DDX60: variants seen among roughly 807,000 people sequenced by gnomAD.
DDX60 encodes probable ATP-dependent RNA helicase DDX60.
DDX60 carries 165 observed loss-of-function variants against 212.8 expected under a neutral mutation model. The observed-to-expected ratio is 0.78, with a 90% confidence interval of 0.68 to 0.88. DDX60 has a LOEUF of 0.88. Ranked by LOEUF, DDX60 falls within the 40% of genes least tolerant of loss-of-function variation. The pLI, the probability that DDX60 is intolerant of heterozygous loss-of-function variation, is 0.00. For synonymous variants in DDX60, 703 were observed against 685.3 expected (o/e 1.03, Z -0.40); for missense variants, 1,905 against 2,003.9 (o/e 0.95, Z 0.94).
chr4:168,297,374 GAAAGAAAGAGAAAGAAAGAAAGAAAGAAA>G (rs1560870626), intron 6 of DDX60, among the ~76,000 whole-genome samples: 7 of 54,682 alleles, frequency 1.3e-4, no homozygotes, highest in African/African-American at 5.6e-4. Context: ...AAGAAAGAAA[GAAAGAAAGAGAAAGAAAGAAAGAAAGAAA>G]GACAATAAAT....
intron 15 of DDX60, 47 bp downstream of exon 15, chr4:168,275,968 T>C (rs889212810): frequency 1.3e-6 from 2 of 1,493,034 alleles, no homozygotes; most frequent in Non-Finnish European, 1.8e-6. Context: ...ACTTTATGTA[T>C]ACCTAATAAT....
intron 25 of DDX60, among the ~76,000 whole-genome samples, chr4:168,259,119 A>G (rs1260820430): frequency 6.6e-6 from 1 of 152,184 alleles, no homozygotes; most frequent in Non-Finnish European, 1.5e-5. Context: ...ACCATATAAA[A>G]CATACTACAT....
intron 6 of DDX60, among the ~76,000 whole-genome samples, chr4:168,298,068 G>A (rs1242866563): frequency 3.3e-5 from 5 of 151,724 alleles, no homozygotes; most frequent in Non-Finnish European, 5.9e-5. Flanking sequence ...AGGAAACAGA[G>A]AATTGAGATT....
chr4:168,225,146 T>C (rs994568420), intron 34 of DDX60, among the ~76,000 whole-genome samples: 1 of 152,022 alleles, frequency 6.6e-6, no homozygotes, highest in African/African-American at 2.4e-5. Flanking sequence ...TCACAGCTAA[T>C]AAGTAGCAGA....
intron 14 of DDX60, among the ~76,000 whole-genome samples, chr4:168,276,999 T>C (rs1365798559): frequency 6.6e-6 from 1 of 152,184 alleles, no homozygotes; most frequent in Admixed American, 6.5e-5. Context: ...ATGGAGGTCA[T>C]GTGTTAAATG....
At position 168,262,741 on chromosome 4, in the gene DDX60, T is replaced by C. The variant is rs1435156260; in HGVS notation, c.3086A>G (p.Glu1029Gly). The C allele has an allele frequency of 6.2e-7, 1 of 1,612,574 alleles. No individual in the cohort carries two copies. The highest frequency in any genetic ancestry group is 8.5e-7 in the Non-Finnish European group (1 of 1,179,260). Residue 1029 changes from glutamate to glycine, a missense_variant, in exon 23 of 38, where the codon GAA becomes GGA. By Grantham distance (98) the Glu-to-Gly change is moderately conservative. Transcript: ENST00000393743. ...CATGGCATCATACAGCTGGATGCTT[T>C]CTCGAGGTGAAAGGGTAAGATCAGG... is the stretch of plus-strand genomic sequence containing the variant. The part of the protein sequence containing the change: ...FPPDLTLSPR[E>G]SIQLYDAMFQ...
intron 6 of DDX60, among the ~76,000 whole-genome samples, chr4:168,298,915 C>A (rs1235506183): frequency 1.3e-5 from 2 of 151,860 alleles, no homozygotes; most frequent in Non-Finnish European, 1.5e-5. Context: ...GTAATCCCAG[C>A]ACGTTGGGAG....
At chr4:168,258,551 G>A (rs572617604) in intron 25 of DDX60, among the ~76,000 whole-genome samples, 2 of 152,148 alleles carry the variant, frequency 1.3e-5, no homozygotes, top group South Asian at 4.2e-4. Context: ...TGATGATCTG[G>A]GATCAAATTG....
At chr4:168,273,585 C>T (rs1735196094) in intron 17 of DDX60, among the ~76,000 whole-genome samples, 187 bp from the exon 18 acceptor site, 1 of 152,106 alleles carries the variant, frequency 6.6e-6, no homozygotes. Context: ...GCACACAAAT[C>T]TCATTGATAA....
At chr4:168,312,832 A>G (rs1737200621) in intron 1 of DDX60, among the ~76,000 whole-genome samples, 1 of 151,684 alleles carries the variant, frequency 6.6e-6, no homozygotes, top group South Asian at 2.1e-4. Context: ...TATTACAATA[A>G]TAATGCAAGG....
At chr4:168,275,536 A>C in intron 15 of DDX60, 33 bp from the exon 16 acceptor site, 1 of 1,540,908 alleles carries the variant, frequency 6.5e-7, no homozygotes, top group African/African-American at 1.4e-5. Flanking sequence ...TTTGAAAATG[A>C]CATTGAATTA....
chr4:168,228,855 G>A lies in DDX60; in HGVS notation c.4534-3179C>T, dbSNP rs1733348743. Among the ~76,000 whole-genome samples, 3 of 152,078 alleles carry A rather than the reference G, an allele frequency of 2.0e-5. No homozygotes were observed. The South Asian group carries it at 6.2e-4, about 32-fold the overall frequency. ...GACTTGATAGCAATGAATAACCTCAGATTTCACATCTGAAAACATCTTAAT... is the reference window on the plus strand; with the variant it reads ...GACTTGATAGCAATGAATAACCTCAAATTTCACATCTGAAAACATCTTAAT... On this transcript the variant is annotated intron_variant, in intron 33 of 37. Transcript: ENST00000393743.
intron 27 of DDX60, among the ~76,000 whole-genome samples, chr4:168,251,587 T>C (rs72693129): frequency 0.036 from 5,477 of 152,262 alleles, 137 homozygotes; most frequent in Non-Finnish European, 0.054. Flanking sequence ...CAGAGATACA[T>C]GGACAAAGAT....
intron 37 of DDX60, among the ~76,000 whole-genome samples, 178 bp from the exon 38 acceptor site, chr4:168,217,210 TAAGAA>T (rs1050190348): frequency 1.7e-4 from 26 of 152,274 alleles, no homozygotes; most frequent in African/African-American, 6.3e-4. Flanking sequence ...ATAAAAAATT[TAAGAA>T]AAGATAACAA....
At position 168,221,813 on chromosome 4, in the gene DDX60, G is replaced by A; in HGVS notation, c.4893C>T (p.Asn1631=). The part of the protein sequence containing the change: ...APVLLSQKFD[N]RGRKMSLNAY... ...CATTAAGCGACATTTTCCTTCCTCG[G>A]TTATCAAATTTCTGTGACAACAGCA... is the stretch of plus-strand genomic sequence containing the variant. Residue 1631 remains asparagine, a synonymous_variant, in exon 36 of 38, where the codon AAC becomes AAT. Coordinates refer to ENST00000393743, the MANE Select transcript of DDX60 (RefSeq NM_017631.6). 6.2e-7 allele frequency: 1 copy of A among 1,613,282 alleles called. No homozygotes were observed. Among genetic ancestry groups the A allele is most frequent in the Non-Finnish European group, 8.5e-7 (1 of 1,179,554 alleles).
At chr4:168,238,542 G>C (rs1268786680) in intron 30 of DDX60, among the ~76,000 whole-genome samples, 1 of 151,800 alleles carries the variant, frequency 6.6e-6, no homozygotes, top group Non-Finnish European at 1.5e-5. Flanking sequence ...GGAAGAAAGA[G>C]TGGAAGCGTA....
At chr4:168,288,072 A>G in intron 9 of DDX60, 102 bp downstream of exon 9, 1 of 698,516 alleles carries the variant, frequency 1.4e-6, no homozygotes, top group Non-Finnish European at 2.3e-6. Flanking sequence ...AATAATTGCT[A>G]TGTTATATGT....
intron 14 of DDX60, among the ~76,000 whole-genome samples, chr4:168,278,264 A>T (rs1459822419): frequency 6.6e-6 from 1 of 152,242 alleles, no homozygotes; most frequent in Non-Finnish European, 1.5e-5. Context: ...AAGAAGAAAA[A>T]AGAAATCCGT....
chr4:168,276,769 A>G (rs1278873841), intron 14 of DDX60, among the ~76,000 whole-genome samples: 1 of 152,228 alleles, frequency 6.6e-6, no homozygotes, highest in Non-Finnish European at 1.5e-5. Context: ...TCAATCACCT[A>G]TATTTCACCT....
Sources: gnomAD v4.1 joint callset for allele counts (sites outside exome capture counted in the v4.1 genomes callset) on GRCh38, gnomAD v4.1.1 for gene constraint, MANE v1.5 for transcripts, NCBI Gene and HGNC (gene_info 2026-07-23, HGNC 2026-07-21) for gene names.